The following ANXA7 variants were observed in gnomAD, a reference collection of about 807,000 sequenced individuals.
ANXA7 encodes annexin VII.
Under a neutral mutation model 64.9 loss-of-function variants are expected in ANXA7, and 55 were observed. The observed-to-expected ratio is 0.85, with a 90% confidence interval of 0.68 to 1.06. The LOEUF (loss-of-function observed/expected upper bound fraction) is 1.06, where lower values mean the gene tolerates loss of function less well. Ranked by LOEUF, ANXA7 falls within the 50% of genes least tolerant of loss-of-function variation. The pLI is 0.00. For missense variants in ANXA7, 548 were observed against 582.1 expected, an observed-to-expected ratio of 0.94 and a Z score of 0.60; for synonymous variants, 200 against 192.4, an observed-to-expected ratio of 1.04 and a Z score of -0.33.
intron 2 of ANXA7, among the ~76,000 whole-genome samples, chr10:73,400,396 A>G (rs2055642214): frequency 6.6e-6 from 1 of 152,238 alleles, no homozygotes; most frequent in African/African-American, 2.4e-5. Flanking sequence ...ATTAAAAAAA[A>G]GAAAAAGAAC....
intron 1 of ANXA7, among the ~76,000 whole-genome samples, chr10:73,401,199 C>G (rs1317259582): frequency 2.0e-5 from 3 of 151,804 alleles, no homozygotes; most frequent in Non-Finnish European, 4.4e-5. Flanking sequence ...CCACCGCGCC[C>G]AGCCTGTAAT....
intron 11 of ANXA7, 67 bp from the exon 12 acceptor site, chr10:73,379,090 T>A: frequency 1.9e-6 from 2 of 1,075,386 alleles, no homozygotes; most frequent in Non-Finnish European, 2.7e-6. Context: ...TCCAGCTTCA[T>A]TTATCACTTA....
intron 1 of ANXA7, among the ~76,000 whole-genome samples, chr10:73,404,320 G>C (rs900528092): frequency 6.6e-6 from 1 of 152,142 alleles, no homozygotes; most frequent in Non-Finnish European, 1.5e-5. Flanking sequence ...GTCTGTACCA[G>C]AAAGTTTGAA....
At position 73,386,471 on chromosome 10, in the gene ANXA7, C is replaced by T. The variant is rs117493088; in HGVS notation, c.633+1218G>A. Among the ~76,000 whole-genome samples, 606 of 152,116 alleles carry T rather than the reference C, an allele frequency of 4.0e-3. 6 individuals carry two copies. Among genetic ancestry groups the T allele is most frequent in the East Asian group, 0.024 (122 of 5,180 alleles). On this transcript the variant is annotated intron_variant, in intron 7 of 12. Transcript: ENST00000372921. Reference sequence around the variant, plus strand: ...GTAATAACAGAGGTTTTACAAAGTGCTATGGGACTACAGTATTAAGAAGCA... The same window carrying T: ...GTAATAACAGAGGTTTTACAAAGTGTTATGGGACTACAGTATTAAGAAGCA...
chr10:73,404,840 C>A lies in ANXA7; in HGVS notation c.-1-3983G>T, dbSNP rs950407638. The stretch of plus-strand genomic sequence containing the variant: ...TAGCCTGATCAAATCTAAAACACGG[C>A]CAGGCGCAGTAGTTCACGCCTGTAA... On this transcript the variant is annotated intron_variant, in intron 1 of 12. Coordinates refer to ENST00000372921, the MANE Select transcript of ANXA7 (RefSeq NM_001156.5). Among the ~76,000 whole-genome samples the A allele has an allele frequency of 9.2e-5, 14 of 152,194 alleles. 2 individuals carry two copies. The highest frequency in any genetic ancestry group is 6.5e-4 in the Admixed American group (10 of 15,280).
At chr10:73,400,700 T>A in intron 2 of ANXA7, 103 bp downstream of exon 2, 1 of 896,022 alleles carries the variant, frequency 1.1e-6, no homozygotes. Context: ...TCTGAGCATC[T>A]GAATTTATGA....
intron 5 of ANXA7, among the ~76,000 whole-genome samples, chr10:73,390,981 C>A (rs2055471979): frequency 6.6e-6 from 1 of 150,804 alleles, no homozygotes; most frequent in Admixed American, 6.6e-5. Flanking sequence ...ACCATCCTGG[C>A]CAACATGGTG....
chr10:73,412,181 C>T (rs2055854435), intron 1 of ANXA7, among the ~76,000 whole-genome samples: 2 of 152,024 alleles, frequency 1.3e-5, no homozygotes, highest in Non-Finnish European at 2.9e-5. Flanking sequence ...GGACTACAGG[C>T]GCCTGCCACC....
intron 1 of ANXA7, among the ~76,000 whole-genome samples, chr10:73,402,934 C>T (rs1329974237): frequency 6.6e-6 from 1 of 152,006 alleles, no homozygotes; most frequent in Non-Finnish European, 1.5e-5. Flanking sequence ...AAGTGATTCT[C>T]CTGCCTCAGC....
At chr10:73,382,884 G>A (rs539031286) in intron 9 of ANXA7, among the ~76,000 whole-genome samples, 2 of 152,242 alleles carry the variant, frequency 1.3e-5, no homozygotes, top group Admixed American at 1.3e-4. Flanking sequence ...ATAGTGATAA[G>A]CTCAAATGTA....
chr10:73,389,064 C>T (rs895524222), intron 5 of ANXA7, among the ~76,000 whole-genome samples: 2 of 152,072 alleles, frequency 1.3e-5, no homozygotes, highest in Non-Finnish European at 2.9e-5. Context: ...CTTGCAGGCA[C>T]CAACTTAAAT....
chr10:73,402,313 C>A (rs1014361304), intron 1 of ANXA7, among the ~76,000 whole-genome samples: 2 of 152,088 alleles, frequency 1.3e-5, no homozygotes, highest in Non-Finnish European at 2.9e-5. Context: ...CTCAACACCC[C>A]CCCTCCCCAC....
At chr10:73,396,173 C>T in intron 5 of ANXA7, 1 of 1,064,704 alleles carries the variant, frequency 9.4e-7, no homozygotes, top group South Asian at 1.3e-5. Context: ...ACATAAATCA[C>T]TGTCAGAAAT....
intron 9 of ANXA7, 35 bp from the exon 10 acceptor site, chr10:73,380,236 A>C: frequency 6.3e-7 from 1 of 1,579,430 alleles, no homozygotes; most frequent in South Asian, 1.2e-5. Flanking sequence ...GGAAGAAATA[A>C]ATAATAGTTC....
intron 5 of ANXA7, among the ~76,000 whole-genome samples, chr10:73,394,053 T>C (rs2055530238): frequency 6.6e-6 from 1 of 152,080 alleles, no homozygotes; most frequent in African/African-American, 2.4e-5. Flanking sequence ...GGGCAAAGGA[T>C]ATGAACAGAC....
Position 73,396,520 on chromosome 10 carries a change from T to C in ANXA7, c.434A>G (p.Gln145Arg). Residue 145 changes from glutamine (Q) to arginine (R), a missense_variant and splice_region_variant, in exon 5 of 13, where the codon CAG (glutamine) becomes CGG (arginine). Transcript: ENST00000372921. ...GCTTAAAAGGTAGGAACAAAATACC[T>C]GACTAGGGTAAGTAGGTTGTCCTCC... is the stretch of plus-strand genomic sequence containing the variant. Reference protein sequence around the residue: ...YPGGQPTYPSQPATVTQVTQG... With the variant: ...YPGGQPTYPSRPATVTQVTQG... 1 of 1,608,310 alleles carries C rather than the reference T, an allele frequency of 6.2e-7. No individual in the cohort carries two copies. The highest frequency in any genetic ancestry group is 2.2e-5 in the East Asian group (1 of 44,746).
intron 7 of ANXA7, among the ~76,000 whole-genome samples, chr10:73,387,463 T>TGA (rs1223039888): frequency 2.0e-5 from 3 of 152,236 alleles, no homozygotes; most frequent in African/African-American, 4.8e-5. Flanking sequence ...GGCAGTGAGC[T>TGA]GAGATCGCAC....
chr10:73,409,482 A>G (rs1425460478), intron 1 of ANXA7, among the ~76,000 whole-genome samples: 3 of 152,164 alleles, frequency 2.0e-5, no homozygotes, highest in Non-Finnish European at 4.4e-5. Context: ...ACAGATCTCT[A>G]CAAGGAGAAC....
At chr10:73,399,821 A>AG (rs2055632114) in intron 2 of ANXA7, among the ~76,000 whole-genome samples, 1 of 122,046 alleles carries the variant, frequency 8.2e-6, no homozygotes. Context: ...ACTCCATCTC[A>AG]AAAACAAAAA....
Sources: gnomAD v4.1 joint callset for allele counts (sites outside exome capture counted in the v4.1 genomes callset) on GRCh38, gnomAD v4.1.1 for gene constraint, MANE v1.5 for transcripts, NCBI Gene and HGNC (gene_info 2026-07-23, HGNC 2026-07-21) for gene names.